The following GCM1 variants were observed in gnomAD, a reference collection of about 807,000 sequenced individuals.
The protein encoded by GCM1 is GCM transcription factor 1.
GCM1 carries 2 observed loss-of-function variants against 25.7 expected under a neutral mutation model. The ratio of observed to expected loss-of-function variants is 0.08; its 90% CI spans 0.03 to 0.24. The LOEUF (loss-of-function observed/expected upper bound fraction) is 0.24, where lower values mean the gene tolerates loss of function less well. Ranked by LOEUF, GCM1 falls within the 10% of genes least tolerant of loss-of-function variation. GCM1 has a pLI of 1.00. For missense variants in GCM1, 395 were observed against 538.7 expected (o/e 0.73, Z 2.64); for synonymous variants, 183 against 195.7 (o/e 0.94, Z 0.54).
chr6:53,148,732 A>C (rs186160862), intron 1 of GCM1, 22 bp downstream of exon 1: 1 of 152,202 alleles, frequency 6.6e-6, no homozygotes, highest in African/African-American at 2.4e-5. Flanking sequence ...TTGCCTCTCC[A>C]CGGGATTTCT....
chr6:53,130,084 G>A (rs1197910841), intron 5 of GCM1, among the ~76,000 whole-genome samples: 7 of 152,140 alleles, frequency 4.6e-5, no homozygotes, highest in African/African-American at 1.7e-4. Context: ...TGGGTTTGGG[G>A]GGCTTGCATT....
intron 2 of GCM1, 61 bp downstream of exon 2, chr6:53,145,497 T>C: frequency 1.1e-6 from 1 of 879,752 alleles, no homozygotes; most frequent in Non-Finnish European, 2.0e-6. Context: ...GGTCTCCGCA[T>C]GTTAATAGTC....
Position 53,128,745 on chromosome 6 carries a change from C to T in GCM1, c.772G>A (p.Asp258Asn). The T allele has an allele frequency of 2.5e-6, 4 of 1,613,696 alleles. No individual in the cohort carries two copies. In the East Asian group the frequency reaches 8.9e-5, roughly 36 times the overall value. ...CGCTTTTCATAGAGCTTCATGGGGT[C>T]CACAGTGGAAGTCTGGTCAGTCAGA... ...TDLTDQTSTV[D>N]PMKLYEKRKL... Residue 258 changes from aspartate (D) to asparagine (N), a missense_variant, in exon 6 of 6, where the codon GAC becomes AAC. Around this residue, in one of 5 missense-constraint regions of GCM1, gnomAD observed 291 missense variants for 314.6 expected, o/e 0.92. Coordinates refer to ENST00000259803, the MANE Select transcript of GCM1 (RefSeq NM_003643.4).
At chr6:53,135,834 C>T (rs529757407) in intron 2 of GCM1, among the ~76,000 whole-genome samples, 133 of 152,314 alleles carry the variant, frequency 8.7e-4, no homozygotes, top group African/African-American at 3.1e-3. Context: ...AAGTAAATGT[C>T]AGTGTCAGGA....
intron 2 of GCM1, among the ~76,000 whole-genome samples, chr6:53,138,904 A>G (rs911104159): frequency 6.6e-6 from 1 of 152,232 alleles, no homozygotes; most frequent in Non-Finnish European, 1.5e-5. Flanking sequence ...ATTCTAACTT[A>G]TTCAACTACT....
chr6:53,128,749 A>G lies in GCM1; in HGVS notation c.768T>C (p.Thr256=), dbSNP rs577227157. ...TTTCATAGAGCTTCATGGGGTCCAC[A>G]GTGGAAGTCTGGTCAGTCAGATCTG... ...GITDLTDQTS[T]VDPMKLYEKR... Residue 256 remains threonine (T), a synonymous_variant, in exon 6 of 6, where the codon ACT becomes ACC. Transcript: ENST00000259803. 1.9e-6 allele frequency: 3 copies of G among 1,613,854 alleles called. No individual in the cohort carries two copies. The highest frequency in any genetic ancestry group is 2.5e-6 in the Non-Finnish European group (3 of 1,179,706).
chr6:53,131,943 T>C (rs1344406636), intron 4 of GCM1, 64 bp downstream of exon 4: 1 of 920,276 alleles, frequency 1.1e-6, no homozygotes, highest in African/African-American at 1.6e-5. Context: ...CACAGGTGCA[T>C]TTCTAGCCTC....
Position 53,145,723 on chromosome 6 carries a change from G to A in GCM1, c.-91C>T. The A allele has an allele frequency of 1.3e-6, 1 of 755,590 alleles. No individual in the cohort carries two copies. Among genetic ancestry groups the A allele is most frequent in the Non-Finnish European group, 2.3e-6 (1 of 425,824 alleles). 46.8% of individuals were successfully genotyped at this position (755,590 alleles called of 1,614,324 possible). ...TTCTCAAAGGTTCTTGATATAGCTG[G>A]ATCGGCCCACTCAAGCACCTTGGAC... On this transcript the variant is annotated 5_prime_UTR_variant, in exon 2 of 6. Transcript: ENST00000259803.
In GCM1 at chr6:53,128,583, A is replaced by T; in HGVS notation, c.934T>A (p.Cys312Ser). Residue 312 changes from cysteine to serine, a missense_variant, in exon 6 of 6, where the codon TGT becomes AGT. This residue lies in a region of GCM1 where 291 missense variants were observed against 314.6 expected (regional missense o/e 0.92). Transcript: ENST00000259803. ...ALGRNHLADN[C>S]YSNYPFPLTS... ...AGAGGAAAAGGATAATTGGAATAAC[A>T]GTTGTCAGCAAGATGATTTCTCCCC... 6.2e-7 allele frequency: 1 copy of T among 1,614,130 alleles called. No individual in the cohort carries two copies. Among genetic ancestry groups the T allele is most frequent in the Non-Finnish European group, 8.5e-7 (1 of 1,180,006 alleles).
At chr6:53,129,128 A>G (rs1001981374) in intron 5 of GCM1, among the ~76,000 whole-genome samples, 182 bp from the exon 6 acceptor site, 1 of 152,228 alleles carries the variant, frequency 6.6e-6, no homozygotes, top group South Asian at 2.1e-4. Flanking sequence ...ACACTTGAAA[A>G]AAGCAAAGGC....
chr6:53,128,929 T>C lies in GCM1; in HGVS notation c.588A>G (p.Thr196=). The change falls in exon 6 of 6, where the codon ACA becomes ACG. Residue 196 remains threonine, a synonymous_variant. Transcript: ENST00000259803. ...TTAAAGGTAAACTCCCCTGACTTTG[T>C]GTTTCACCTGGAAGAGACTGGAAAG... ...STETRSLPGE[T]QSQGSLPLTW... 6.2e-7 allele frequency: 1 copy of C among 1,613,366 alleles called. No homozygotes were observed. The highest frequency in any genetic ancestry group is 8.5e-7 in the Non-Finnish European group (1 of 1,179,568).
chr6:53,147,698 G>A (rs1024983510), intron 1 of GCM1, among the ~76,000 whole-genome samples: 1 of 151,812 alleles, frequency 6.6e-6, no homozygotes, highest in East Asian at 1.9e-4. Context: ...CAAAGTGCTG[G>A]GATTACAGGC....
chr6:53,138,141 G>C (rs1763824788), intron 2 of GCM1, among the ~76,000 whole-genome samples: 1 of 151,964 alleles, frequency 6.6e-6, no homozygotes, highest in South Asian at 2.1e-4. Context: ...AATTAGCCAG[G>C]CATGGTGGCA....
chr6:53,145,238 A>C (rs1296526609), intron 2 of GCM1, among the ~76,000 whole-genome samples: 1 of 152,244 alleles, frequency 6.6e-6, no homozygotes, highest in East Asian at 1.9e-4. Context: ...TTTATGGCCA[A>C]ATAAATCATC....
intron 2 of GCM1, among the ~76,000 whole-genome samples, chr6:53,144,949 G>A (rs1167927090): frequency 2.8e-4 from 26 of 92,890 alleles, no homozygotes; most frequent in Admixed American, 6.5e-4. Flanking sequence ...GAAGAAGAAA[G>A]AAAAGAAAAG....
Position 53,130,910 on chromosome 6 carries a change from G to A in GCM1, c.463C>T (p.Pro155Ser), listed in dbSNP as rs1763715584. Residue 155 changes from proline (P) to serine (S), a missense_variant, in exon 5 of 6, where the codon CCA becomes TCA. Physicochemically the swap from Pro to Ser is moderately conservative, Grantham distance 74. Around this residue, in one of 5 missense-constraint regions of GCM1, gnomAD observed 32 missense variants for 97.7 expected, o/e 0.33. Transcript: ENST00000259803. ...FFQSKGEHDH[P>S]KPETKLEAEA... ...GCTTCTAACTTGGTTTCTGGTTTTGGATGATCATGCTCTCCCTTTGACTTA... is the reference window on the plus strand; with the variant it reads ...GCTTCTAACTTGGTTTCTGGTTTTGAATGATCATGCTCTCCCTTTGACTTA... 1 of 1,613,682 alleles carries A rather than the reference G, an allele frequency of 6.2e-7. No homozygotes were observed. The highest frequency in any genetic ancestry group is 8.5e-7 in the Non-Finnish European group (1 of 1,179,584).
intron 2 of GCM1, among the ~76,000 whole-genome samples, chr6:53,136,845 G>A (rs770293660): frequency 4.6e-5 from 7 of 152,012 alleles, no homozygotes; most frequent in Admixed American, 1.3e-4. Flanking sequence ...GTGTGGTGGC[G>A]GGCACCAGTA....
chr6:53,138,474 A>G (rs933926443), intron 2 of GCM1, among the ~76,000 whole-genome samples: 10 of 152,162 alleles, frequency 6.6e-5, no homozygotes, highest in African/African-American at 2.4e-4. Context: ...TCAATAATGC[A>G]GAGGAACCCA....
chr6:53,138,775 G>T (rs1484254316), intron 2 of GCM1, among the ~76,000 whole-genome samples: 2 of 152,064 alleles, frequency 1.3e-5, no homozygotes, highest in Admixed American at 1.3e-4. Flanking sequence ...ATCACTGGGG[G>T]GTTAACTGAT....
Sources: allele counts gnomAD v4.1 joint callset (sites outside exome capture counted in the v4.1 genomes callset), GRCh38; gene constraint gnomAD v4.1.1; regional missense constraint gnomAD v4.1.1; transcripts MANE v1.5; gene names NCBI Gene and HGNC (gene_info 2026-07-23, HGNC 2026-07-21).